TPRG1: variants seen among roughly 807,000 people sequenced by gnomAD.
TPRG1 encodes tumor protein p63-regulated gene 1 protein.
TPRG1 carries 29 observed loss-of-function variants against 29.3 expected under a neutral mutation model. That is an observed-to-expected ratio of 0.99 (90% CI 0.74 to 1.35). TPRG1 has a LOEUF of 1.35. Ranked by LOEUF, TPRG1 falls within the 40% of genes most tolerant of loss-of-function variation. TPRG1 has a pLI of 0.00. For synonymous variants in TPRG1, 130 were observed against 116.8 expected (o/e 1.11, Z -0.73); for missense variants, 327 against 335.0 (o/e 0.98, Z 0.19).
chr3:189,233,760 C>A (rs1739035970), intron 3 of TPRG1, among the ~76,000 whole-genome samples: 1 of 152,086 alleles, frequency 6.6e-6, no homozygotes, highest in Non-Finnish European at 1.5e-5. Context: ...AGAGAGGCAT[C>A]CATTTAATAT....
intron 3 of TPRG1, among the ~76,000 whole-genome samples, chr3:189,016,636 G>T (rs948234147): frequency 6.6e-6 from 1 of 152,066 alleles, no homozygotes; most frequent in Admixed American, 6.5e-5. Flanking sequence ...GGACCAGGTG[G>T]GAGGTAATTG....
intron 1 of TPRG1, among the ~76,000 whole-genome samples, chr3:189,193,132 A>ATTTTTTTTT (rs555964454): frequency 3.2e-4 from 29 of 90,240 alleles, no homozygotes; most frequent in South Asian, 8.4e-4. Flanking sequence ...TTGACTTTTA[A>ATTTTTTTTT]TTTTTTTTTT....
intron 5 of TPRG1, among the ~76,000 whole-genome samples, chr3:189,316,271 C>G (rs556224902): frequency 6.5e-4 from 99 of 152,242 alleles, no homozygotes; most frequent in African/African-American, 2.2e-3. Flanking sequence ...GTCACAGGGG[C>G]TCTATGAGGA....
intron 1 of TPRG1, among the ~76,000 whole-genome samples, chr3:189,174,273 C>T (rs1729193707): frequency 6.6e-6 from 1 of 152,078 alleles, no homozygotes; most frequent in African/African-American, 2.4e-5. Flanking sequence ...AAACTAGTTC[C>T]AAAGTATTTG....
At chr3:189,275,742 G>A (rs1328074009) in intron 4 of TPRG1, among the ~76,000 whole-genome samples, 1 of 152,116 alleles carries the variant, frequency 6.6e-6, no homozygotes, top group African/African-American at 2.4e-5. Flanking sequence ...TAAAGCTACT[G>A]TTGTATTTTA....
At chr3:189,156,678 T>C (rs908347237) in intron 5 of TPRG1, among the ~76,000 whole-genome samples, 1 of 152,234 alleles carries the variant, frequency 6.6e-6, no homozygotes. Flanking sequence ...CAGATGAGTA[T>C]GTCCACTGTC....
chr3:189,040,474 C>T (rs796343373), intron 4 of TPRG1, among the ~76,000 whole-genome samples: 8 of 152,118 alleles, frequency 5.3e-5, no homozygotes, highest in African/African-American at 1.9e-4. Context: ...GAGAGTTATA[C>T]CAAGGGTTCT....
chr3:189,248,942 T>C (rs1741750647), intron 4 of TPRG1, among the ~76,000 whole-genome samples: 1 of 151,316 alleles, frequency 6.6e-6, no homozygotes, highest in African/African-American at 2.4e-5. Flanking sequence ...TATACTACTT[T>C]CTTTCTTTTT....
intron 3 of TPRG1, among the ~76,000 whole-genome samples, chr3:189,020,161 G>A (rs1266088541): frequency 1.3e-5 from 2 of 150,922 alleles, no homozygotes; most frequent in Admixed American, 1.3e-4. Context: ...TATCTATTTT[G>A]TTGATCCTTT....
intron 3 of TPRG1, among the ~76,000 whole-genome samples, chr3:189,233,471 C>T (rs1738990737): frequency 6.6e-6 from 1 of 152,118 alleles, no homozygotes; most frequent in Admixed American, 6.6e-5. Flanking sequence ...AAACTGAAGA[C>T]TCACGAGTTC....
At chr3:189,275,199 C>A (rs1715922939) in intron 4 of TPRG1, among the ~76,000 whole-genome samples, 1 of 152,018 alleles carries the variant, frequency 6.6e-6, no homozygotes, top group South Asian at 2.1e-4. Context: ...AGCATACATA[C>A]AGTGTTATTT....
intron 4 of TPRG1, among the ~76,000 whole-genome samples, chr3:189,272,424 G>C (rs1344762297): frequency 2.0e-5 from 3 of 152,158 alleles, no homozygotes; most frequent in Non-Finnish European, 4.4e-5. Flanking sequence ...ATAAGTTTCT[G>C]ATGAGCTTTC....
intron 3 of TPRG1, chr3:189,219,827 T>A: frequency 1.1e-6 from 1 of 894,958 alleles, no homozygotes; most frequent in Non-Finnish European, 1.3e-6. Flanking sequence ...AACCGGTAAT[T>A]CTTGTTCTTC....
intron 4 of TPRG1, among the ~76,000 whole-genome samples, chr3:189,275,073 C>G (rs1319096482): frequency 6.6e-6 from 1 of 151,676 alleles, no homozygotes; most frequent in Non-Finnish European, 1.5e-5. Flanking sequence ...TTTATGTCTT[C>G]TGATTGCTCT....
intron 4 of TPRG1, among the ~76,000 whole-genome samples, chr3:189,081,452 T>C (rs1717587948): frequency 1.3e-5 from 2 of 152,084 alleles, no homozygotes; most frequent in Non-Finnish European, 2.9e-5. Context: ...GAGTCAGTAT[T>C]ATGCAGGTAA....
At chr3:189,205,198 A>G (rs1188267670) in intron 1 of TPRG1, among the ~76,000 whole-genome samples, 1 of 152,230 alleles carries the variant, frequency 6.6e-6, no homozygotes, top group Non-Finnish European at 1.5e-5. Flanking sequence ...TGTGTTCCTC[A>G]GAAAGATGGG....
intron 2 of TPRG1, among the ~76,000 whole-genome samples, chr3:189,210,441 G>A (rs1166518533): frequency 6.6e-6 from 1 of 152,148 alleles, no homozygotes; most frequent in South Asian, 2.1e-4. Context: ...CAGTAAAAAG[G>A]AAGCTAACTC....
At chr3:189,238,351 A>G (rs1013608714) in intron 3 of TPRG1, among the ~76,000 whole-genome samples, 1 of 152,194 alleles carries the variant, frequency 6.6e-6, no homozygotes, top group East Asian at 1.9e-4. Flanking sequence ...GCTAGAACAA[A>G]GAGATATTTT....
At chr3:189,061,804 T>A (rs1201501307) in intron 4 of TPRG1, among the ~76,000 whole-genome samples, 1 of 151,868 alleles carries the variant, frequency 6.6e-6, no homozygotes, top group African/African-American at 2.4e-5. Context: ...ATAGTAAGGT[T>A]GTGGAGAAAC....
Sources: gnomAD v4.1 joint callset for allele counts (sites outside exome capture counted in the v4.1 genomes callset) on GRCh38, gnomAD v4.1.1 for gene constraint, MANE v1.5 for transcripts, NCBI Gene and HGNC (gene_info 2026-07-23, HGNC 2026-07-21) for gene names.